RFTN1: variants seen among roughly 807,000 people sequenced by gnomAD.
The protein encoded by RFTN1 is raftlin, lipid raft linker 1.
A neutral mutation model predicts 46.5 loss-of-function variants in RFTN1; 26 were observed. The observed-to-expected ratio is 0.56, with a 90% CI of 0.41 to 0.78. RFTN1 has a LOEUF of 0.78. Among genes scored for constraint, RFTN1 ranks in the 30% least tolerant of loss-of-function variants. RFTN1 has a pLI of 0.00. For synonymous variants in RFTN1, 261 were observed against 284.2 expected, an observed-to-expected ratio of 0.92 and a Z score of 0.82; for missense variants, 693 against 718.7, an observed-to-expected ratio of 0.96 and a Z score of 0.41.
intron 7 of RFTN1, among the ~76,000 whole-genome samples, chr3:16,357,704 C>G (rs112014789): frequency 6.6e-6 from 1 of 152,166 alleles, no homozygotes; most frequent in Non-Finnish European, 1.5e-5. Context: ...TGGCCAGGCA[C>G]ATGCAATGTG....
intron 5 of RFTN1, among the ~76,000 whole-genome samples, chr3:16,373,361 C>A (rs1328821490): frequency 1.3e-5 from 2 of 152,176 alleles, no homozygotes; most frequent in African/African-American, 2.4e-5. Context: ...CTAAGCCAAC[C>A]AGAGGAGAAA....
rs690216 is a variant in RFTN1 at position 16,323,412 on chromosome 3, A to T, written c.1296T>A (p.Pro432=). 2.7e-5 allele frequency: 43 copies of T among 1,610,810 alleles called. No homozygotes were observed. In the African/African-American group the frequency reaches 3.5e-4, roughly 13 times the overall value. The change falls in exon 9 of 10, where the codon CCT becomes CCA. Residue 432 remains proline, a synonymous_variant. Transcript: ENST00000334133. ...TCTTCTTGATTTTCTGAGGTAGACA[A>T]GGTCTCTGAAGAAAGACAATCTGCT... ...STKQIVFLQR[P]CLPQKIKKKE...
At chr3:16,478,763 T>G (rs1298795510) in intron 2 of RFTN1, among the ~76,000 whole-genome samples, 1 of 152,160 alleles carries the variant, frequency 6.6e-6, no homozygotes, top group Non-Finnish European at 1.5e-5. Context: ...CCAGGGCTAT[T>G]GGGCTTAGGG....
chr3:16,371,960 G>A (rs1225078024), intron 5 of RFTN1, among the ~76,000 whole-genome samples: 2 of 152,230 alleles, frequency 1.3e-5, no homozygotes, highest in Non-Finnish European at 2.9e-5. Flanking sequence ...CATAAATTGG[G>A]GCTGGGGTGG....
chr3:16,358,539 CCAG>C (rs2072616809), intron 6 of RFTN1, among the ~76,000 whole-genome samples: 1 of 151,470 alleles, frequency 6.6e-6, no homozygotes, highest in African/African-American at 2.4e-5. Context: ...GGGCTGCAGT[CCAG>C]ACAACATCTT....
At chr3:16,399,215 A>C (rs963965705) in intron 4 of RFTN1, among the ~76,000 whole-genome samples, 1 of 152,212 alleles carries the variant, frequency 6.6e-6, no homozygotes, top group African/African-American at 2.4e-5. Flanking sequence ...TATTAAGGAG[A>C]ACAATGAAGA....
At chr3:16,388,970 T>C (rs1279823544) in intron 4 of RFTN1, among the ~76,000 whole-genome samples, 1 of 152,222 alleles carries the variant, frequency 6.6e-6, no homozygotes, top group African/African-American at 2.4e-5. Flanking sequence ...AGAGTCTTCA[T>C]TGAACTCAAA....
rs763925708 is a variant in RFTN1, at chr3:16,370,170, G to A, written c.936C>T (p.Ser312=). 8 of 1,614,174 alleles carry A rather than the reference G, an allele frequency of 5.0e-6. No individual in the cohort carries two copies. The highest frequency in any genetic ancestry group is 1.3e-5 in the African/African-American group (1 of 75,040). Residue 312 remains serine, a synonymous_variant, in exon 6 of 10, where the codon AGC becomes AGT. Coordinates refer to ENST00000334133, the MANE Select transcript of RFTN1 (RefSeq NM_015150.2). The surrounding 1 kb of genome is among the most constrained non-coding windows in gnomAD (Gnocchi z 5.5). ...GCTCTAACCAGTTGGCGTCCAAACCGCTCACTGTCTGGCCATTCTTGGAGA... is the reference window on the plus strand; with the variant it reads ...GCTCTAACCAGTTGGCGTCCAAACCACTCACTGTCTGGCCATTCTTGGAGA... ...LHVSKNGQTV[S]GLDANWLEHM... is the part of the protein sequence containing the mutation.
intron 3 of RFTN1, among the ~76,000 whole-genome samples, chr3:16,412,797 A>G (rs1039706603): frequency 1.3e-5 from 2 of 152,232 alleles, no homozygotes; most frequent in Admixed American, 1.3e-4. Context: ...AGCTTCAGGA[A>G]GAAGGAGAGA....
rs574981291 is a variant in RFTN1 at position 16,443,624 on chromosome 3, G to A, written c.146-9587C>T. 6.6e-6 allele frequency among the ~76,000 whole-genome samples: 1 copy of A among 152,124 alleles called. No homozygotes were observed. Among genetic ancestry groups the A allele is most frequent in the African/African-American group, 2.4e-5 (1 of 41,418 alleles). On this transcript the variant is annotated intron_variant, in intron 2 of 9. Transcript: ENST00000334133. The surrounding 1 kb of genome is among the most constrained non-coding windows in gnomAD (Gnocchi z 5.5). ...GCCTCATCAAATGAATTAAGTTGCCGGCCGCCGGACCACAAATGACTGTTA... is the reference window on the plus strand; with the variant it reads ...GCCTCATCAAATGAATTAAGTTGCCAGCCGCCGGACCACAAATGACTGTTA...
In RFTN1 at chr3:16,329,756, C is replaced by T. The variant is rs1357648094; in HGVS notation, c.1147-2880G>A. Among the ~76,000 whole-genome samples, 1 of 152,158 alleles carries T rather than the reference C, an allele frequency of 6.6e-6. No individual in the cohort carries two copies. Among genetic ancestry groups the T allele is most frequent in the Non-Finnish European group, 1.5e-5 (1 of 68,020 alleles). ...GATTACTTGGGCCTATCAAGAATAACCTTCCCACTTTATCAAGCACTGTGA... is the reference window on the plus strand; with the variant it reads ...GATTACTTGGGCCTATCAAGAATAATCTTCCCACTTTATCAAGCACTGTGA... On this transcript the variant is annotated intron_variant, in intron 7 of 9. Transcript: ENST00000334133. This position sits in a 1 kb window ranked among gnomAD's most constrained non-coding sequence, Gnocchi z 4.5.
chr3:16,390,194 C>T (rs1030684424), intron 4 of RFTN1, among the ~76,000 whole-genome samples: 3 of 152,212 alleles, frequency 2.0e-5, no homozygotes, highest in African/African-American at 4.8e-5. Flanking sequence ...TGGTTTGTTA[C>T]ACAGCAATAG....
chr3:16,350,095 A>T (rs538767788), intron 7 of RFTN1: 1 of 152,362 alleles, frequency 6.6e-6, no homozygotes, highest in South Asian at 2.1e-4. Context: ...GTAAGTGAGT[A>T]CTATAGCCCA....
At chr3:16,398,069 AC>A (rs1322856588) in intron 4 of RFTN1, among the ~76,000 whole-genome samples, 4 of 151,506 alleles carry the variant, frequency 2.6e-5, no homozygotes, top group African/African-American at 7.3e-5. Flanking sequence ...AAATGGTGAA[AC>A]CCCGTCTCTA....
At chr3:16,347,193 G>A (rs1294926048) in intron 7 of RFTN1, among the ~76,000 whole-genome samples, 1 of 152,138 alleles carries the variant, frequency 6.6e-6, no homozygotes, top group East Asian at 1.9e-4. Context: ...CCAGGCCCTT[G>A]CCTCACCCAC....
In RFTN1 at chr3:16,353,542, C is replaced by A. The variant is rs1427268093; in HGVS notation, c.1146+4390G>T. ...TGAAAATGTTTTAGAAATGAAAATT[C>A]TTGGGCCCCATCTCAGAGCCACCGT... is the stretch of plus-strand genomic sequence containing the variant. On this transcript the variant is annotated intron_variant, in intron 7 of 9. Transcript: ENST00000334133. This position sits in a 1 kb window ranked among gnomAD's most constrained non-coding sequence, Gnocchi z 5.4. Among the ~76,000 whole-genome samples the A allele has an allele frequency of 6.6e-6, 1 of 152,212 alleles. No individual in the cohort carries two copies. Among genetic ancestry groups the A allele is most frequent in the Non-Finnish European group, 1.5e-5 (1 of 68,028 alleles).
chr3:16,414,291 T>A (rs1252557538), intron 3 of RFTN1, among the ~76,000 whole-genome samples: 1 of 136,728 alleles, frequency 7.3e-6, no homozygotes, highest in African/African-American at 2.7e-5. Context: ...TGGTGGGAAG[T>A]CTTGAAAAAA....
rs1037868764 is a variant in RFTN1 at position 16,352,000 on chromosome 3, C to A, written c.1146+5932G>T. ...TGTGGTTTATATGAGAAAGATGAGG[C>A]AGAACTCTACTTCAGCAGACACTCA... On this transcript the variant is annotated intron_variant, in intron 7 of 9. Transcript: ENST00000334133. This position sits in a 1 kb window ranked among gnomAD's most constrained non-coding sequence, Gnocchi z 5.4. 9.8e-5 allele frequency among the ~76,000 whole-genome samples: 15 copies of A among 152,322 alleles called. 2 individuals carry two copies. Among genetic ancestry groups the A allele is most frequent in the East Asian group, 3.9e-4 (2 of 5,192 alleles).
intron 7 of RFTN1, among the ~76,000 whole-genome samples, chr3:16,331,050 C>T (rs1247736394): frequency 2.6e-5 from 4 of 152,218 alleles, no homozygotes; most frequent in Non-Finnish European, 5.9e-5. Context: ...AATTTGATTT[C>T]CCTTGTCTGA....
Sources: allele counts gnomAD v4.1 joint callset (sites outside exome capture counted in the v4.1 genomes callset), GRCh38; gene constraint gnomAD v4.1.1; non-coding constraint Gnocchi (gnomAD v3.1); transcripts MANE v1.5; gene names NCBI Gene and HGNC (gene_info 2026-07-23, HGNC 2026-07-21).